The following LINGO2 variants were observed in gnomAD, a reference collection of about 807,000 sequenced individuals.
The protein encoded by LINGO2 is leucine-rich repeat and immunoglobulin-like domain-containing nogo receptor-interacting protein 2.
LINGO2 carries 14 observed loss-of-function variants against 30.6 expected under a neutral mutation model. The observed-to-expected ratio is 0.46, with a 90% confidence interval of 0.30 to 0.72. The LOEUF is 0.72. LINGO2 is among the 30% of genes least tolerant of loss of function. LINGO2 has a pLI of 0.07. For missense variants in LINGO2, 729 were observed against 751.7 expected, an observed-to-expected ratio of 0.97 and a Z score of 0.35; for synonymous variants, 317 against 288.5, an observed-to-expected ratio of 1.10 and a Z score of -1.00.
At chr9:28,268,081 C>T (rs914988287) in intron 4 of LINGO2, among the ~76,000 whole-genome samples, 3 of 152,060 alleles carry the variant, frequency 2.0e-5, no homozygotes, top group African/African-American at 4.8e-5. Flanking sequence ...CATACATCCA[C>T]ACAGCCACAC....
At chr9:28,824,718 A>G in the LINGO2 span, among the ~76,000 whole-genome samples, 109 of 152,268 alleles carry the variant, frequency 7.2e-4, 2 homozygotes, top group Middle Eastern at 0.024. Context: ...AAATGTGACT[A>G]ATTTCAATAT....
chr9:28,665,895 T>A (rs1036756490), intron 1 of LINGO2, among the ~76,000 whole-genome samples: 6 of 150,822 alleles, frequency 4.0e-5, no homozygotes, highest in African/African-American at 1.5e-4. Flanking sequence ...GTGTTACTTT[T>A]TTTTTTTTTT....
At chr9:28,826,583 G>C in the LINGO2 span, among the ~76,000 whole-genome samples, 1 of 152,144 alleles carries the variant, frequency 6.6e-6, no homozygotes, top group Admixed American at 6.6e-5. Flanking sequence ...ATTGCTGGCT[G>C]TGTCAGTGAT....
intron 1 of LINGO2, among the ~76,000 whole-genome samples, chr9:28,528,626 T>A (rs1388483052): frequency 6.6e-6 from 1 of 152,146 alleles, no homozygotes; most frequent in Non-Finnish European, 1.5e-5. Context: ...GGGAGGTACA[T>A]GAGTTGTACT....
At chr9:28,174,898 CTGTGTG>C (rs66472807) in intron 4 of LINGO2, among the ~76,000 whole-genome samples, 1 of 141,010 alleles carries the variant, frequency 7.1e-6, no homozygotes, top group African/African-American at 2.7e-5. Context: ...ATTTGTGTCT[CTGTGTG>C]TGTGTGTGTG....
chr9:29,005,772 G>A, the LINGO2 span, among the ~76,000 whole-genome samples: 1 of 151,936 alleles, frequency 6.6e-6, no homozygotes, highest in Non-Finnish European at 1.5e-5. Context: ...ACCACATTTG[G>A]TTGATAAACA....
the LINGO2 span, among the ~76,000 whole-genome samples, chr9:29,203,805 C>CA: frequency 6.6e-6 from 1 of 152,220 alleles, no homozygotes; most frequent in Non-Finnish European, 1.5e-5. Context: ...TCTTGTGCAA[C>CA]ATAGCTTCCT....
chr9:28,002,336 T>TCA (rs1822002695), intron 5 of LINGO2, among the ~76,000 whole-genome samples: 1 of 152,136 alleles, frequency 6.6e-6, no homozygotes, highest in Admixed American at 6.5e-5. Context: ...AATTCATCTA[T>TCA]CAGCAAGTGG....
At chr9:28,299,810 G>A (rs1824067335) in intron 3 of LINGO2, among the ~76,000 whole-genome samples, 1 of 152,160 alleles carries the variant, frequency 6.6e-6, no homozygotes, top group African/African-American at 2.4e-5. Context: ...GAAAAACTTA[G>A]TCCCAGGGAA....
rs80336040 is a variant in LINGO2, at chr9:28,335,430, C to A, written c.-246+37406G>T. Among the ~76,000 whole-genome samples, 731 of 152,212 alleles carry A rather than the reference C, an allele frequency of 4.8e-3. 10 individuals are homozygous for A. Among genetic ancestry groups the A allele is most frequent in the African/African-American group, 0.016 (684 of 41,534 alleles). ...TCATCTGTTACATGTGAAAAACATA[C>A]CCAAATTTCATATTCTACTGCACAA... On this transcript the variant is annotated intron_variant, in intron 3 of 5. Transcript: ENST00000379992.
intron 3 of LINGO2, among the ~76,000 whole-genome samples, chr9:28,349,833 G>A (rs1819776155): frequency 6.6e-6 from 1 of 152,042 alleles, no homozygotes. Flanking sequence ...GAAGAGACTG[G>A]GGGCCGATAT....
At chr9:28,521,380 G>T (rs1820823440) in intron 1 of LINGO2, among the ~76,000 whole-genome samples, 2 of 152,134 alleles carry the variant, frequency 1.3e-5, no homozygotes, top group African/African-American at 4.8e-5. Context: ...TATGTAGACA[G>T]GGTTCCTACT....
chr9:29,069,662 A>G, the LINGO2 span, among the ~76,000 whole-genome samples: 1 of 152,186 alleles, frequency 6.6e-6, no homozygotes, highest in Non-Finnish European at 1.5e-5. Context: ...GTCTCTCAAT[A>G]TATCCCTTTT....
At chr9:28,853,081 T>C in the LINGO2 span, among the ~76,000 whole-genome samples, 4 of 152,144 alleles carry the variant, frequency 2.6e-5, no homozygotes, top group South Asian at 8.3e-4. Flanking sequence ...CTTTTATTCC[T>C]GTGTTTATTT....
At chr9:28,702,185 T>G in the LINGO2 span, among the ~76,000 whole-genome samples, 2 of 151,934 alleles carry the variant, frequency 1.3e-5, no homozygotes, top group Non-Finnish European at 2.9e-5. Context: ...AGTGGGAATA[T>G]CCTTCCCTTG....
chr9:28,636,364 G>A (rs1342208916), intron 1 of LINGO2, among the ~76,000 whole-genome samples: 3 of 152,134 alleles, frequency 2.0e-5, no homozygotes, highest in African/African-American at 7.2e-5. Context: ...GGGACAAATG[G>A]TATTTCTAGT....
At chr9:28,460,584 A>G (rs1224524920) in intron 2 of LINGO2, among the ~76,000 whole-genome samples, 1 of 152,180 alleles carries the variant, frequency 6.6e-6, no homozygotes, top group African/African-American at 2.4e-5. Flanking sequence ...CATGTAATAC[A>G]TAGTAATGGA....
At chr9:28,244,436 G>C (rs907897178) in intron 4 of LINGO2, among the ~76,000 whole-genome samples, 1 of 151,956 alleles carries the variant, frequency 6.6e-6, no homozygotes, top group African/African-American at 2.4e-5. Context: ...GCTAGCAGAA[G>C]ACAAGAAATA....
chr9:29,021,068 A>G, the LINGO2 span, among the ~76,000 whole-genome samples: 3 of 152,164 alleles, frequency 2.0e-5, no homozygotes, highest in Non-Finnish European at 4.4e-5. Context: ...GAGAAATCAG[A>G]AACGATTACT....
Sources: allele counts gnomAD v4.1 joint callset (sites outside exome capture counted in the v4.1 genomes callset), GRCh38; gene constraint gnomAD v4.1.1; transcripts MANE v1.5; gene names NCBI Gene and HGNC (gene_info 2026-07-23, HGNC 2026-07-21).